The following ARID1B variants were observed in gnomAD, a reference collection of about 807,000 sequenced individuals.
ARID1B encodes the protein AT-rich interactive domain-containing protein 1B.
ARID1B carries 30 observed loss-of-function variants against 212.3 expected under a neutral mutation model. The observed-to-expected ratio is 0.14, with a 90% CI of 0.11 to 0.19. The LOEUF is 0.19. Ranked by LOEUF, ARID1B falls within the 10% of genes least tolerant of loss-of-function variation. ARID1B has a pLI of 1.00. For missense variants in ARID1B, 2,891 were observed against 3,204.0 expected, an observed-to-expected ratio of 0.90 and a Z score of 2.36; for synonymous variants, 1,402 against 1,301.7, an observed-to-expected ratio of 1.08 and a Z score of -1.66.
At chr6:156,968,695 G>C (rs952705081) in intron 4 of ARID1B, among the ~76,000 whole-genome samples, 1 of 152,176 alleles carries the variant, frequency 6.6e-6, no homozygotes, top group Non-Finnish European at 1.5e-5. Context: ...AGTTGGATCT[G>C]GGTTTGAATT....
intron 1 of ARID1B, among the ~76,000 whole-genome samples, chr6:156,820,216 C>CAAAG (rs1554255559): frequency 6.6e-6 from 1 of 151,876 alleles, no homozygotes; most frequent in Non-Finnish European, 1.5e-5. Flanking sequence ...TGAACTTGTG[C>CAAAG]AAAGTGAAGC....
chr6:157,043,529 G>A (rs1313170288), intron 4 of ARID1B, among the ~76,000 whole-genome samples: 3 of 152,172 alleles, frequency 2.0e-5, no homozygotes, highest in Admixed American at 2.0e-4. Flanking sequence ...TAAGCTTAGA[G>A]AATCCATTTT....
intron 2 of ARID1B, among the ~76,000 whole-genome samples, chr6:156,882,551 C>T (rs1283879360): frequency 6.6e-6 from 1 of 152,128 alleles, no homozygotes; most frequent in African/African-American, 2.4e-5. Context: ...TATAAGGGTG[C>T]CTTGCCTTGC....
At chr6:157,191,386 T>C (rs1331719793) in intron 15 of ARID1B, among the ~76,000 whole-genome samples, 5 of 151,758 alleles carry the variant, frequency 3.3e-5, no homozygotes, top group African/African-American at 1.2e-4. Flanking sequence ...GAGGGGAACC[T>C]GGAGTCCCTC....
intron 2 of ARID1B, among the ~76,000 whole-genome samples, chr6:156,885,947 G>A (rs747607641): frequency 1.3e-5 from 2 of 152,132 alleles, no homozygotes; most frequent in African/African-American, 2.4e-5. Flanking sequence ...AATTAGAAAT[G>A]TGCCAAAATC....
At chr6:156,838,312 A>G (rs966598262) in intron 2 of ARID1B, among the ~76,000 whole-genome samples, 5 of 152,182 alleles carry the variant, frequency 3.3e-5, no homozygotes, top group African/African-American at 1.2e-4. Flanking sequence ...AAAACCTGTC[A>G]TTGCTGAGGT....
chr6:157,046,998 A>G (rs931453133), intron 4 of ARID1B, among the ~76,000 whole-genome samples: 6 of 152,126 alleles, frequency 3.9e-5, no homozygotes, highest in African/African-American at 9.7e-5. Flanking sequence ...AATTCCAGCA[A>G]TGCCTGTGTT....
chr6:157,194,972 C>G (rs1242676992), intron 15 of ARID1B: 1 of 152,122 alleles, frequency 6.6e-6, no homozygotes, highest in Middle Eastern at 3.2e-3. Flanking sequence ...CATTGCACCT[C>G]TTATCACTAG....
chr6:156,800,758 T>C (rs1390852233), intron 1 of ARID1B, among the ~76,000 whole-genome samples: 2 of 151,978 alleles, frequency 1.3e-5, no homozygotes, highest in African/African-American at 2.4e-5. Flanking sequence ...AATTAAAAAA[T>C]TAGCCAGGCA....
chr6:157,096,892 AAT>A (rs1290678997), intron 5 of ARID1B, among the ~76,000 whole-genome samples: 6 of 152,242 alleles, frequency 3.9e-5, no homozygotes, highest in Non-Finnish European at 8.8e-5. Context: ...CAAATGTATT[AAT>A]ATGTCATGGT....
chr6:156,976,924 A>T (rs1311620808), intron 4 of ARID1B: 3 of 556,490 alleles, frequency 5.4e-6, no homozygotes, highest in Non-Finnish European at 1.1e-5. Context: ...TTTGATGTGC[A>T]ACTCAAAGAT....
At chr6:157,179,527 C>G (rs1450085495) in intron 11 of ARID1B, among the ~76,000 whole-genome samples, 1 of 152,130 alleles carries the variant, frequency 6.6e-6, no homozygotes, top group Non-Finnish European at 1.5e-5. Context: ...AAGCTCTTAT[C>G]TAAAGTGGTT....
intron 4 of ARID1B, among the ~76,000 whole-genome samples, chr6:157,084,451 T>C (rs1452426183): frequency 2.6e-5 from 4 of 152,180 alleles, no homozygotes; most frequent in Non-Finnish European, 4.4e-5. Context: ...ACAACTTTAC[T>C]CATTTTTTAG....
At chr6:157,033,919 T>A (rs767020774) in intron 4 of ARID1B, among the ~76,000 whole-genome samples, 4 of 152,206 alleles carry the variant, frequency 2.6e-5, no homozygotes, top group Non-Finnish European at 5.9e-5. Flanking sequence ...TCAGGAACCC[T>A]TGAAAAGTTC....
chr6:156,868,612 T>C (rs1785887821), intron 2 of ARID1B, among the ~76,000 whole-genome samples: 1 of 152,182 alleles, frequency 6.6e-6, no homozygotes, highest in Non-Finnish European at 1.5e-5. Flanking sequence ...CTGTTCTTCC[T>C]AAGGGCTTCA....
chr6:156,893,976 A>G (rs1269936814), intron 2 of ARID1B, among the ~76,000 whole-genome samples: 1 of 152,150 alleles, frequency 6.6e-6, no homozygotes, highest in African/African-American at 2.4e-5. Flanking sequence ...ATTCGACCAG[A>G]TATTTGTAAA....
At chr6:156,788,932 C>A (rs1182719303) in intron 1 of ARID1B, among the ~76,000 whole-genome samples, 2 of 152,014 alleles carry the variant, frequency 1.3e-5, no homozygotes, top group Non-Finnish European at 2.9e-5. Context: ...CTTAATTTTC[C>A]CAGGTGTATT....
intron 4 of ARID1B, among the ~76,000 whole-genome samples, chr6:156,950,476 A>G (rs1430771767): frequency 6.6e-6 from 1 of 152,238 alleles, no homozygotes; most frequent in Non-Finnish European, 1.5e-5. Context: ...TGGGGATGTA[A>G]GAGAAAGGGA....
At chr6:157,076,317 T>G (rs927846190) in intron 4 of ARID1B, among the ~76,000 whole-genome samples, 1 of 80,898 alleles carries the variant, frequency 1.2e-5, no homozygotes, top group Non-Finnish European at 2.7e-5. Flanking sequence ...GTTTGTTTTG[T>G]TTTTTTTTCC....
Sources: allele counts gnomAD v4.1 joint callset (sites outside exome capture counted in the v4.1 genomes callset), GRCh38; gene constraint gnomAD v4.1.1; transcripts MANE v1.5; gene names NCBI Gene and HGNC (gene_info 2026-07-23, HGNC 2026-07-21).